TFEB: variants seen among roughly 807,000 people sequenced by gnomAD.
TFEB encodes T-cell transcription factor EB.
Under a neutral mutation model 48.0 loss-of-function variants are expected in TFEB, and 12 were observed. That is an observed-to-expected ratio of 0.25 (90% CI 0.16 to 0.40). The LOEUF (loss-of-function observed/expected upper bound fraction) is 0.40, where lower values mean the gene tolerates loss of function less well. TFEB is among the 10% of genes least tolerant of loss of function. The pLI, the probability that TFEB is intolerant of heterozygous loss-of-function variation, is 1.00. For missense variants in TFEB, 509 were observed against 640.3 expected, an observed-to-expected ratio of 0.79 and a Z score of 2.21; for synonymous variants, 244 against 261.4, an observed-to-expected ratio of 0.93 and a Z score of 0.64.
intron 1 of TFEB, among the ~76,000 whole-genome samples, chr6:41,719,225 C>T (rs143329602): frequency 0.026 from 3,903 of 152,176 alleles, 185 homozygotes; most frequent in African/African-American, 0.088. Flanking sequence ...CAGATGGGAC[C>T]GTCTAGTGGC....
intron 1 of TFEB, among the ~76,000 whole-genome samples, chr6:41,732,469 A>G (rs532030610): frequency 1.3e-5 from 2 of 152,338 alleles, no homozygotes; most frequent in African/African-American, 4.8e-5. Flanking sequence ...TTGTTCTAGT[A>G]TAGCATAAAA....
chr6:41,736,092 A>C (rs1206655148), upstream of TFEB: 7 of 1,610,864 alleles, frequency 4.3e-6, no homozygotes, highest in Non-Finnish European at 5.1e-6. Context: ...GTAAAATATG[A>C]CAGTAGAAGG....
intron 4 of TFEB, 101 bp from the exon 5 acceptor site, chr6:41,688,129 C>G: frequency 7.0e-7 from 1 of 1,432,818 alleles, no homozygotes; most frequent in Non-Finnish European, 9.4e-7. Context: ...CTGGGGACAC[C>G]TGGAGTGTCA....
intron 4 of TFEB, 99 bp from the exon 5 acceptor site, chr6:41,688,127 A>C: frequency 1.4e-6 from 2 of 1,435,292 alleles, no homozygotes; most frequent in South Asian, 1.4e-5. Flanking sequence ...TCCTGGGGAC[A>C]CCTGGAGTGT....
intron 1 of TFEB, chr6:41,732,523 C>T (rs1771496872): frequency 1.3e-5 from 12 of 942,920 alleles, no homozygotes; most frequent in Non-Finnish European, 1.5e-5. Flanking sequence ...TTTATTGTTA[C>T]ACTCTCATAG....
chr6:41,736,060 G>A (rs577355180), upstream of TFEB: 34 of 1,558,562 alleles, frequency 2.2e-5, no homozygotes, highest in African/African-American at 4.3e-4. Flanking sequence ...GCAAGGCCAG[G>A]GTGAGCCTGG....
chr6:41,686,493 G>GC, intron 7 of TFEB: 1 of 340,148 alleles, frequency 2.9e-6, no homozygotes, highest in Non-Finnish European at 5.3e-6. Flanking sequence ...CAAGACTCCA[G>GC]CCCAGCCTAC....
intron 1 of TFEB, among the ~76,000 whole-genome samples, chr6:41,711,471 T>C (rs1486242549): frequency 1.3e-5 from 2 of 151,988 alleles, no homozygotes; most frequent in African/African-American, 4.8e-5. Flanking sequence ...CCAGGTGGGG[T>C]ATGAAAGGAC....
chr6:41,709,515 A>G (rs1770386547), intron 1 of TFEB, among the ~76,000 whole-genome samples: 1 of 147,178 alleles, frequency 6.8e-6, no homozygotes, highest in Non-Finnish European at 1.5e-5. Context: ...ATGAAAAAGT[A>G]GATATAATGG....
intron 1 of TFEB, among the ~76,000 whole-genome samples, chr6:41,701,428 C>T (rs898462185): frequency 1.3e-5 from 2 of 152,218 alleles, no homozygotes; most frequent in African/African-American, 4.8e-5. Context: ...TTCTTCAGAA[C>T]CTCCACACCA....
At chr6:41,721,012 G>A (rs959634010) in intron 1 of TFEB, among the ~76,000 whole-genome samples, 5 of 151,578 alleles carry the variant, frequency 3.3e-5, no homozygotes, top group Non-Finnish European at 5.9e-5. Context: ...TAGCTCTCCA[G>A]CCCCCAGCCC....
chr6:41,706,366 T>C lies in TFEB; in HGVS notation c.-22-15131A>G, dbSNP rs1379561006. 8.5e-5 allele frequency among the ~76,000 whole-genome samples: 13 copies of C among 152,244 alleles called. No homozygotes were observed. In the East Asian group the frequency reaches 2.3e-3, roughly 27 times the overall value. On this transcript the variant is annotated intron_variant, in intron 1 of 8. Transcript: ENST00000373033. Reference sequence around the variant, plus strand: ...TGTCTGGCAGCTTCTGCTTTCGATCTGAGTCACGCCTGGTGGGGGCAGGAC... The same window carrying C: ...TGTCTGGCAGCTTCTGCTTTCGATCCGAGTCACGCCTGGTGGGGGCAGGAC...
chr6:41,718,634 C>G (rs1770843428), intron 1 of TFEB, among the ~76,000 whole-genome samples: 1 of 151,822 alleles, frequency 6.6e-6, no homozygotes, highest in African/African-American at 2.4e-5. Context: ...GGTTTTGTAC[C>G]CTTTGACTAT....
At chr6:41,697,509 C>CG (rs1463999453) in intron 1 of TFEB, among the ~76,000 whole-genome samples, 1 of 150,652 alleles carries the variant, frequency 6.6e-6, no homozygotes, top group African/African-American at 2.4e-5. Flanking sequence ...CCAAACCCCC[C>CG]CCCTTCCCCA....
Position 41,724,330 on chromosome 6 carries a change from T to TG in TFEB, c.-23+11019dup, listed in dbSNP as rs1771118104. On this transcript the variant is annotated intron_variant, in intron 1 of 8. Transcript: ENST00000373033. The surrounding 1 kb of genome is among the most constrained non-coding windows in gnomAD (Gnocchi z 4.4). ...AAAGGTTAAGCTATTATCGGTCGTCTGCGTCTCAGGGTGGATGAGTTTACT... is the reference window on the plus strand; with the variant it reads ...AAAGGTTAAGCTATTATCGGTCGTCTGGCGTCTCAGGGTGGATGAGTTTACT... Among the ~76,000 whole-genome samples, 1 of 152,190 alleles carries TG rather than the reference T, an allele frequency of 6.6e-6. No individual in the cohort carries two copies. The highest frequency in any genetic ancestry group is 6.5e-5 in the Admixed American group (1 of 15,284).
upstream of TFEB, chr6:41,736,167 T>C (rs748519232): frequency 6.2e-7 from 1 of 1,612,942 alleles, no homozygotes; most frequent in Admixed American, 1.7e-5. Context: ...TGCTGTCATG[T>C]TGCTGGACAG....
chr6:41,705,739 A>G (rs1770180333), intron 1 of TFEB: 1 of 152,374 alleles, frequency 6.6e-6, no homozygotes, highest in Admixed American at 6.5e-5. Context: ...ATGGGGCCAG[A>G]ATCCCAAGCA....
intron 1 of TFEB, among the ~76,000 whole-genome samples, chr6:41,731,806 C>T (rs1771461972): frequency 6.6e-6 from 1 of 152,312 alleles, no homozygotes; most frequent in South Asian, 2.1e-4. Context: ...GGCACAAAGC[C>T]GGGCACCTAG....
In TFEB at chr6:41,734,598, G is replaced by A. The variant is rs1268760248; in HGVS notation, c.-23+752C>T. Among the ~76,000 whole-genome samples the A allele has an allele frequency of 6.8e-6, 1 of 147,970 alleles. No homozygotes were observed. The highest frequency in any genetic ancestry group is 1.5e-5 in the Non-Finnish European group (1 of 66,386). ...GAGGGGGAAACTCGGGGGGCGGGCA[G>A]GCAGCTGGGAACCCGGGGGGAGGCA... On this transcript the variant is annotated intron_variant, in intron 1 of 8. Transcript: ENST00000373033. The surrounding 1 kb of genome is among the most constrained non-coding windows in gnomAD (Gnocchi z 4.0).
Sources: gnomAD v4.1 joint callset for allele counts (sites outside exome capture counted in the v4.1 genomes callset) on GRCh38, gnomAD v4.1.1 for gene constraint, Gnocchi (gnomAD v3.1) non-coding constraint, MANE v1.5 for transcripts, NCBI Gene and HGNC (gene_info 2026-07-23, HGNC 2026-07-21) for gene names.